The following SLC15A3 variants were observed in gnomAD, a reference collection of about 807,000 sequenced individuals.
The protein encoded by SLC15A3 is osteoclast transporter.
Under a neutral mutation model 49.2 loss-of-function variants are expected in SLC15A3, and 39 were observed. The observed-to-expected ratio is 0.79, with a 90% CI of 0.61 to 1.04. The LOEUF is 1.04. Among genes scored for constraint, SLC15A3 ranks in the 50% least tolerant of loss-of-function variants. The pLI is 0.00. For missense variants in SLC15A3, 758 were observed against 794.8 expected, an observed-to-expected ratio of 0.95 and a Z score of 0.56; for synonymous variants, 339 against 367.0, an observed-to-expected ratio of 0.92 and a Z score of 0.87.
chr11:60,947,603 G>A (rs1300400426), intron 1 of SLC15A3, among the ~76,000 whole-genome samples: 3 of 151,938 alleles, frequency 2.0e-5, no homozygotes, highest in Non-Finnish European at 4.4e-5. Context: ...TCTGCAGTTC[G>A]GAGAGGCAAG....
intron 1 of SLC15A3, among the ~76,000 whole-genome samples, chr11:60,949,448 AAG>A (rs766952740): frequency 1.4e-5 from 2 of 143,000 alleles, no homozygotes; most frequent in Admixed American, 7.1e-5. Flanking sequence ...GAAAGAAAGA[AAG>A]AGAAAGAAAG....
At chr11:60,939,457 G>A in intron 6 of SLC15A3, 23 bp downstream of exon 6, 1 of 1,612,224 alleles carries the variant, frequency 6.2e-7, no homozygotes, top group Non-Finnish European at 8.5e-7. Flanking sequence ...TGGTGCAGGA[G>A]CAGGGGAGGG....
chr11:60,939,686 C>G (rs979745447), intron 5 of SLC15A3, 48 bp from the exon 6 acceptor site: 1 of 1,600,736 alleles, frequency 6.2e-7, no homozygotes, highest in African/African-American at 1.3e-5. Flanking sequence ...CCCCAGGCAG[C>G]TTAGCCCACA....
Position 60,937,622 on chromosome 11 carries a change from A to G in SLC15A3, c.1591+248T>C, listed in dbSNP as rs552859686. The G allele has an allele frequency of 6.7e-5, 46 of 682,066 alleles. No individual in the cohort carries two copies. The African/African-American group carries it at 7.2e-4, about 11-fold the overall frequency. The allele number at this position is 682,066 out of a possible 1,614,324, so 42.3% of individuals were successfully genotyped here. A position where few individuals can be genotyped will look rare whatever the true frequency, so the allele number is the denominator to read the frequency against. On this transcript the variant is annotated intron_variant, in intron 7 of 7. Coordinates refer to ENST00000227880, the MANE Select transcript of SLC15A3 (RefSeq NM_016582.3). The stretch of plus-strand genomic sequence containing the variant: ...CCATGAGAAAGGTAACCCTTCAGCC[A>G]GAGATGGCAGAGTTCCAGAAGCAGA...
intron 3 of SLC15A3, chr11:60,942,797 A>G (rs533737795): frequency 6.6e-6 from 1 of 152,318 alleles, no homozygotes; most frequent in Non-Finnish European, 1.5e-5. Context: ...CTCCCACCAC[A>G]TGCCGCCATC....
chr11:60,949,530 AAGAAAG>A (rs1856868979), intron 1 of SLC15A3, among the ~76,000 whole-genome samples: 1 of 76,800 alleles, frequency 1.3e-5, no homozygotes, highest in African/African-American at 2.9e-5. Flanking sequence ...GAAAGAAAGA[AAGAAAG>A]AAAGAAAGAA....
At position 60,941,409 on chromosome 11, in the gene SLC15A3, T is replaced by C. The variant is rs566916183; in HGVS notation, c.1108-119A>G. 4 of 1,005,196 alleles carry C rather than the reference T, an allele frequency of 4.0e-6. No homozygotes were observed. The African/African-American group carries it at 4.9e-5, about 12-fold the overall frequency. 62.3% of individuals were successfully genotyped at this position (1,005,196 alleles called of 1,614,324 possible). On this transcript the variant is annotated intron_variant, in intron 4 of 7. Transcript: ENST00000227880. ...CCCTGGGGTCCAGCTCCTTTCCCTCTCTGGAGTTCATGCTCCTCAGCTGTG... is the reference window on the plus strand; with the variant it reads ...CCCTGGGGTCCAGCTCCTTTCCCTCCCTGGAGTTCATGCTCCTCAGCTGTG...
intron 1 of SLC15A3, among the ~76,000 whole-genome samples, chr11:60,948,607 A>G (rs2957233): frequency 0.88 from 133,871 of 151,450 alleles, 59,464 homozygotes; most frequent in South Asian, 0.96. Context: ...CCCATATGCT[A>G]TCTACACTGC....
intron 3 of SLC15A3, chr11:60,942,501 A>G (rs1590638178): frequency 4.4e-6 from 1 of 225,018 alleles, no homozygotes. Flanking sequence ...TTCTCATCTG[A>G]CACTGAAGCC....
Position 60,941,195 on chromosome 11 carries a change from G to T in SLC15A3, c.1203C>A (p.Cys401Ter), listed in dbSNP as rs773145427. The change falls in exon 5 of 8, where the codon TGC (cysteine) becomes TGA (stop). Residue 401 changes from cysteine to a stop codon, truncating the protein, a stop_gained. Coordinates refer to ENST00000227880, the MANE Select transcript of SLC15A3 (RefSeq NM_016582.3). LOFTEE classifies it high-confidence loss of function. ...TCTGCAGAGCAGAGGGAAGCAGCTT[G>T]CACCGCAGCAGTAAAGGGTCGATCA... ...DRLIDPLLLR[C>*]KLLPSALQKM... The T allele has an allele frequency of 1.9e-6, 3 of 1,614,182 alleles. No homozygotes were observed. The highest frequency in any genetic ancestry group is 2.5e-6 in the Non-Finnish European group (3 of 1,180,022).
intron 7 of SLC15A3, 149 bp from the exon 8 acceptor site, chr11:60,937,522 T>G (rs777447076): frequency 1.9e-6 from 2 of 1,036,290 alleles, no homozygotes; most frequent in Non-Finnish European, 2.9e-6. Flanking sequence ...CCACTAATGT[T>G]TGACTTCCTG....
chr11:60,937,881 G>C lies in SLC15A3; in HGVS notation c.1580C>G (p.Pro527Arg), dbSNP rs756784594. ...GGCCCCATACTCACCAAAGTCCTTG[G>C]GGCAGTGCAGCCAGCCCCCGGGCAA... is the stretch of plus-strand genomic sequence containing the variant. ...LSLPGGWLHC[P>R]KDFGNINNCR... The change falls in exon 7 of 8, where the codon CCC becomes CGC. Residue 527 changes from proline (P) to arginine (R), a missense_variant. Transcript: ENST00000227880. 16 of 1,614,060 alleles carry C rather than the reference G, an allele frequency of 9.9e-6. No homozygotes were observed. Among genetic ancestry groups the C allele is most frequent in the Non-Finnish European group, 1.3e-5 (15 of 1,179,936 alleles).
chr11:60,946,565 C>T lies in SLC15A3; in HGVS notation c.815G>A (p.Cys272Tyr). The T allele has an allele frequency of 6.3e-7, 1 of 1,587,026 alleles. No individual in the cohort carries two copies. The highest frequency in any genetic ancestry group is 8.6e-7 in the Non-Finnish European group (1 of 1,162,306). ...GTGTCGTTGCCACAGCTGGGGGCAG[C>T]AGTTTTGGAGAGCGAGCTTAAGCAT... Reference protein sequence around the residue: ...SSMLKLALQNCCPQLWQRHSA... With the variant: ...SSMLKLALQNYCPQLWQRHSA... Residue 272 changes from cysteine to tyrosine, a missense_variant, in exon 2 of 8, where the codon TGC becomes TAC. Transcript: ENST00000227880.
intron 2 of SLC15A3, among the ~76,000 whole-genome samples, chr11:60,945,878 C>T (rs1180377757): frequency 2.0e-5 from 3 of 152,202 alleles, no homozygotes; most frequent in Non-Finnish European, 2.9e-5. Flanking sequence ...TCCTTTAATG[C>T]CACTGTCATC....
chr11:60,949,001 G>A (rs1181599678), intron 1 of SLC15A3, among the ~76,000 whole-genome samples: 1 of 152,138 alleles, frequency 6.6e-6, no homozygotes, highest in Non-Finnish European at 1.5e-5. Context: ...ACAAATATTG[G>A]GGGTCTCTAG....
chr11:60,946,778 C>G lies in SLC15A3; in HGVS notation c.602G>C (p.Trp201Ser), dbSNP rs758029103. ...GRDATRRFFN[W>S]FYWSINLGAV... The stretch of plus-strand genomic sequence containing the variant: ...ACCCAGGTTGATGCTCCAGTAAAAC[C>G]AGTTGAAGAAGCGGCGGGTGGCGTC... The change falls in exon 2 of 8, where the codon TGG becomes TCG. Residue 201 changes from tryptophan (W) to serine (S), a missense_variant. Physicochemically the swap from Trp to Ser is radical, Grantham distance 177. Around this residue, in one of 3 missense-constraint regions of SLC15A3, gnomAD observed 699 missense variants for 706.7 expected, o/e 0.99. Transcript: ENST00000227880. The G allele has an allele frequency of 2.5e-6, 4 of 1,613,854 alleles. No homozygotes were observed. Among genetic ancestry groups the G allele is most frequent in the South Asian group, 2.2e-5 (2 of 91,090 alleles).
At chr11:60,939,449 G>A (rs768595762) in intron 6 of SLC15A3, 31 bp downstream of exon 6, 27 of 1,610,996 alleles carry the variant, frequency 1.7e-5, no homozygotes, top group Non-Finnish European at 2.1e-5. Context: ...CCCATCACTG[G>A]TGCAGGAGCA....
In SLC15A3 at chr11:60,951,100, G is replaced by A; in HGVS notation, c.452C>T (p.Ser151Phe). Residue 151 changes from serine (S) to phenylalanine (F), a missense_variant, in exon 1 of 8, where the codon TCC becomes TTC. By Grantham distance (155) the Ser-to-Phe change is radical (BLOSUM62 -2). Transcript: ENST00000227880. The part of the protein sequence containing the change: ...PACPSAGCPR[S>F]SPSPYCAPVL... Reference sequence around the variant, plus strand: ...GGGCGCGCAGTAGGGGCTGGGCGAGGAGCGCGGGCAGCCGGCCGAGGGGCA... The same window carrying A: ...GGGCGCGCAGTAGGGGCTGGGCGAGAAGCGCGGGCAGCCGGCCGAGGGGCA... The A allele has an allele frequency of 6.8e-7, 1 of 1,477,396 alleles. No individual in the cohort carries two copies. The highest frequency in any genetic ancestry group is 8.9e-7 in the Non-Finnish European group (1 of 1,124,000). 91.5% of individuals were successfully genotyped at this position (1,477,396 alleles called of 1,614,324 possible).
chr11:60,951,332 G>C lies in SLC15A3; in HGVS notation c.220C>G (p.Arg74Gly). 1.3e-6 allele frequency: 2 copies of C among 1,538,038 alleles called. No homozygotes were observed. The highest frequency in any genetic ancestry group is 1.7e-6 in the Non-Finnish European group (2 of 1,145,328). ...GCGCCCAGGAATACCAGCGCGGCGC[G>C]CGTCGCCTGCTCGCCGGTCCAGTTG... ...NFNWTGEQAT[R>G]AALVFLGASY... is the part of the protein sequence containing the mutation. The change falls in exon 1 of 8, where the codon CGC becomes GGC. Residue 74 changes from arginine (R) to glycine (G), a missense_variant. Arg to Gly is a moderately radical substitution (Grantham distance 125, BLOSUM62 -2). Around this residue, in one of 3 missense-constraint regions of SLC15A3, gnomAD observed 699 missense variants for 706.7 expected, o/e 0.99. Coordinates refer to ENST00000227880, the MANE Select transcript of SLC15A3 (RefSeq NM_016582.3).
Sources: gnomAD v4.1 joint callset for allele counts (sites outside exome capture counted in the v4.1 genomes callset) on GRCh38, gnomAD v4.1.1 for gene constraint, gnomAD v4.1.1 regional missense constraint, MANE v1.5 for transcripts, NCBI Gene and HGNC (gene_info 2026-07-23, HGNC 2026-07-21) for gene names.